Variants in GPC6 observed in about 807,000 individuals in gnomAD.
The protein encoded by GPC6 is glypican 6, also known as glypican-6.
GPC6 carries 14 observed loss-of-function variants against 55.2 expected under a neutral mutation model. The observed-to-expected ratio is 0.25, with a 90% CI of 0.17 to 0.40. The LOEUF (loss-of-function observed/expected upper bound fraction) is 0.40. Ranked by LOEUF, GPC6 falls within the 10% of genes least tolerant of loss-of-function variation. The probability of loss-of-function intolerance (pLI) is 1.00; values close to 1 mark genes in which losing one functional copy is unlikely to be tolerated. For missense variants in GPC6, 641 were observed against 708.5 expected (o/e 0.90, Z 1.08); for synonymous variants, 278 against 259.6 (o/e 1.07, Z -0.68).
At chr13:93,455,968 A>G (rs757244161) in intron 1 of GPC6, among the ~76,000 whole-genome samples, 1 of 152,216 alleles carries the variant, frequency 6.6e-6, no homozygotes, top group African/African-American at 2.4e-5. Context: ...TAGGCCAACT[A>G]ACTAAAAGTA....
At chr13:93,291,305 A>G (rs1232317455) in intron 1 of GPC6, among the ~76,000 whole-genome samples, 1 of 152,114 alleles carries the variant, frequency 6.6e-6, no homozygotes, top group Non-Finnish European at 1.5e-5. Flanking sequence ...CAGAGCCACC[A>G]TCTCTTCTCA....
chr13:93,851,456 G>A (rs924379077), intron 3 of GPC6, among the ~76,000 whole-genome samples: 1 of 151,978 alleles, frequency 6.6e-6, no homozygotes, highest in Non-Finnish European at 1.5e-5. Context: ...CCATCTAACA[G>A]TCAGGGAAGA....
At position 94,186,316 on chromosome 13, in the gene GPC6, T is replaced by A. The variant is rs1889185862; in HGVS notation, c.878-100033T>A. On this transcript the variant is annotated intron_variant, in intron 4 of 8. Coordinates refer to ENST00000377047, the MANE Select transcript of GPC6 (RefSeq NM_005708.5). ...AAAGCAGTAACTATAATTTCTGCCT[T>A]TAGCTTTTGAAAAACTAAAAGAACT... Among the ~76,000 whole-genome samples the A allele has an allele frequency of 2.6e-5, 4 of 152,170 alleles. No homozygotes were observed. In the South Asian group the frequency reaches 8.3e-4, roughly 32 times the overall value.
intron 6 of GPC6, among the ~76,000 whole-genome samples, chr13:94,346,297 T>G (rs1458106087): frequency 6.6e-6 from 1 of 152,134 alleles, no homozygotes; most frequent in African/African-American, 2.4e-5. Flanking sequence ...CTGTTGAGGA[T>G]GGGGGGAGTG....
chr13:93,488,434 G>A (rs1236998073), intron 1 of GPC6, among the ~76,000 whole-genome samples: 4 of 152,174 alleles, frequency 2.6e-5, no homozygotes, highest in Non-Finnish European at 5.9e-5. Flanking sequence ...AAACATACGT[G>A]TGCATGTGTC....
intron 4 of GPC6, among the ~76,000 whole-genome samples, chr13:94,111,298 A>G (rs924359660): frequency 1.3e-5 from 2 of 151,800 alleles, no homozygotes; most frequent in Middle Eastern, 3.2e-3. Flanking sequence ...TCTGAAATGT[A>G]AATCTGATTA....
chr13:93,964,578 T>C (rs954567309), intron 3 of GPC6, among the ~76,000 whole-genome samples: 1 of 152,200 alleles, frequency 6.6e-6, no homozygotes, highest in African/African-American at 2.4e-5. Context: ...AAATCCTATT[T>C]TAAAAGAATA....
intron 1 of GPC6, among the ~76,000 whole-genome samples, chr13:93,362,100 C>T (rs1365876418): frequency 6.6e-6 from 1 of 152,172 alleles, no homozygotes; most frequent in Non-Finnish European, 1.5e-5. Context: ...TTTTGGGGTT[C>T]ATTAGTTCTA....
intron 4 of GPC6, among the ~76,000 whole-genome samples, chr13:94,115,347 T>TG (rs918389144): frequency 2.0e-4 from 31 of 151,930 alleles, no homozygotes; most frequent in South Asian, 1.2e-3. Context: ...AAGGGGTTGG[T>TG]GGGGGGGTGT....
Position 93,512,285 on chromosome 13 carries a change from C to G in GPC6, c.161-32978C>G, listed in dbSNP as rs528925774. Among the ~76,000 whole-genome samples, 11 of 152,018 alleles carry G rather than the reference C, an allele frequency of 7.2e-5. No homozygotes were observed. In the South Asian group the frequency reaches 2.1e-3, roughly 29 times the overall value. ...GACAGGAAAGGATTTCAACTTTTCC[C>G]CATTTAGTATGCTGTTAGTTGTGTG... On this transcript the variant is annotated intron_variant, in intron 1 of 8. Transcript: ENST00000377047.
At chr13:93,982,540 T>C (rs1454927446) in intron 3 of GPC6, among the ~76,000 whole-genome samples, 2 of 152,200 alleles carry the variant, frequency 1.3e-5, no homozygotes, top group Non-Finnish European at 2.9e-5. Flanking sequence ...ATCCTTACAC[T>C]ACTTAGGTAT....
intron 4 of GPC6, among the ~76,000 whole-genome samples, chr13:94,076,960 GTTTTTTTT>G (rs56870429): frequency 7.9e-6 from 1 of 126,108 alleles, no homozygotes; most frequent in African/African-American, 2.9e-5. Context: ...TGGTGCTTCT[GTTTTTTTT>G]TTTTTTTTTT....
At chr13:93,386,631 C>T (rs1875419130) in intron 1 of GPC6, among the ~76,000 whole-genome samples, 1 of 152,176 alleles carries the variant, frequency 6.6e-6, no homozygotes, top group Admixed American at 6.5e-5. Flanking sequence ...GTCATCATAA[C>T]ACATGCAAAT....
chr13:93,227,503 T>C lies in GPC6; in HGVS notation c.47T>C (p.Leu16Pro). 1 of 1,613,894 alleles carries C rather than the reference T, an allele frequency of 6.2e-7. No individual in the cohort carries two copies. The highest frequency in any genetic ancestry group is 8.5e-7 in the Non-Finnish European group (1 of 1,179,818). ...GAVILPLLGLLLSLPAGADVK... is the reference protein window; with the variant it reads ...GAVILPLLGLPLSLPAGADVK... The stretch of plus-strand genomic sequence containing the variant: ...GTGATTCTTCCCCTCTTGGGGCTGC[T>C]GCTCTCCCTCCCCGCCGGGGCGGAT... The change falls in exon 1 of 9, where the codon CTG (leucine) becomes CCG (proline). Residue 16 changes from leucine (L) to proline (P), a missense_variant. Transcript: ENST00000377047. The surrounding 1 kb of genome is among the most constrained non-coding windows in gnomAD (Gnocchi z 4.3).
intron 1 of GPC6, among the ~76,000 whole-genome samples, chr13:93,344,759 T>A (rs1455387277): frequency 6.6e-6 from 1 of 152,230 alleles, no homozygotes; most frequent in African/African-American, 2.4e-5. Flanking sequence ...TTGAGATGAA[T>A]GAGTCGAGTG....
chr13:93,668,605 G>A (rs924827581), intron 2 of GPC6, among the ~76,000 whole-genome samples: 11 of 152,106 alleles, frequency 7.2e-5, no homozygotes, highest in East Asian at 1.9e-4. Context: ...GAAGCCATGC[G>A]AAAGGAGACC....
intron 2 of GPC6, among the ~76,000 whole-genome samples, chr13:93,779,653 G>A (rs1034245551): frequency 1.3e-5 from 2 of 152,138 alleles, no homozygotes; most frequent in Non-Finnish European, 1.5e-5. Flanking sequence ...TTATGTTAGC[G>A]TCGTATGTGC....
chr13:93,601,686 A>G (rs1878021208), intron 2 of GPC6, among the ~76,000 whole-genome samples: 1 of 152,218 alleles, frequency 6.6e-6, no homozygotes, highest in Non-Finnish European at 1.5e-5. Flanking sequence ...AGTACCTACC[A>G]TGGGTAGCTG....
At chr13:93,552,298 A>G (rs1298721222) in intron 2 of GPC6, among the ~76,000 whole-genome samples, 1 of 152,226 alleles carries the variant, frequency 6.6e-6, no homozygotes, top group Non-Finnish European at 1.5e-5. Flanking sequence ...TGACAGAGCT[A>G]TTGAACAGGT....
Sources: gnomAD v4.1 joint callset for allele counts (sites outside exome capture counted in the v4.1 genomes callset) on GRCh38, gnomAD v4.1.1 for gene constraint, Gnocchi (gnomAD v3.1) non-coding constraint, MANE v1.5 for transcripts, NCBI Gene and HGNC (gene_info 2026-07-23, HGNC 2026-07-21) for gene names.